The following PCDHGB5 variants were observed in gnomAD, a reference collection of about 807,000 sequenced individuals.
The protein encoded by PCDHGB5 is protocadherin gamma-B5.
A neutral mutation model predicts 62.9 loss-of-function variants in PCDHGB5; 48 were observed. The observed-to-expected ratio is 0.76, with a 90% CI of 0.61 to 0.97. The LOEUF is 0.97. Among genes scored for constraint, PCDHGB5 ranks in the 50% least tolerant of loss-of-function variants. The pLI is 0.00. For missense variants in PCDHGB5, 1,118 were observed against 1,198.6 expected (o/e 0.93, Z 0.99); for synonymous variants, 474 against 511.2 (o/e 0.93, Z 0.98).
intron 1 of PCDHGB5, chr5:141,403,541 G>A (rs1332209242): frequency 6.2e-7 from 1 of 1,614,016 alleles, no homozygotes. Context: ...GCTGGTGCTG[G>A]AGCGCGCCCT....
chr5:141,410,078 G>T, intron 1 of PCDHGB5: 4 of 1,612,820 alleles, frequency 2.5e-6, no homozygotes, highest in East Asian at 2.2e-5. Flanking sequence ...CACTGGGGAG[G>T]TGCGCACGGC....
In PCDHGB5 at chr5:141,487,218, C is replaced by T; in HGVS notation, c.2398-7589C>T. The T allele has an allele frequency of 6.2e-7, 1 of 1,613,938 alleles. No individual in the cohort carries two copies. The highest frequency in any genetic ancestry group is 1.3e-5 in the African/African-American group (1 of 75,024). On this transcript the variant is annotated intron_variant, in intron 1 of 3. Coordinates refer to ENST00000617380, the MANE Select transcript of PCDHGB5 (RefSeq NM_018925.3). The surrounding 1 kb of genome is among the most constrained non-coding windows in gnomAD (Gnocchi z 5.0). ...CCAGATCTTCGAGAATCTTCAGCTCCAAGGGAAGGAGAATCTCGTCTAACC... is the reference window on the plus strand; with the variant it reads ...CCAGATCTTCGAGAATCTTCAGCTCTAAGGGAAGGAGAATCTCGTCTAACC...
intron 1 of PCDHGB5, chr5:141,409,493 CCT>C (rs1312265786): frequency 6.2e-6 from 10 of 1,614,012 alleles, no homozygotes; most frequent in Non-Finnish European, 7.6e-6. Context: ...GGGCAAGCCG[CCT>C]CTTTCTTCCA....
rs371964437 is a variant in PCDHGB5, at chr5:141,511,404, C to T, written c.*231C>T. On this transcript the variant is annotated 3_prime_UTR_variant, in exon 4 of 4. Coordinates refer to ENST00000617380, the MANE Select transcript of PCDHGB5 (RefSeq NM_018925.3). ...CCGCTGGGAACCCCCATCCAATCAA[C>T]TGCTGTACCCATGGGGGTAGTGGGG... The T allele has an allele frequency of 7.7e-5, 73 of 947,014 alleles. No individual in the cohort carries two copies. In the East Asian group the frequency reaches 1.8e-3, roughly 23 times the overall value. The allele number at this position is 947,014 out of a possible 1,614,324, so 58.7% of individuals were successfully genotyped here.
chr5:141,452,884 A>C (rs746547069), intron 1 of PCDHGB5, among the ~76,000 whole-genome samples: 1 of 152,204 alleles, frequency 6.6e-6, no homozygotes, highest in Non-Finnish European at 1.5e-5. Flanking sequence ...GTAATAATTT[A>C]TTCCACTTTT....
rs758530359 is a variant in PCDHGB5 at position 141,399,430 on chromosome 5, A to G, written c.1303A>G (p.Ile435Val). 12 of 1,614,016 alleles carry G rather than the reference A, an allele frequency of 7.4e-6. No homozygotes were observed. Among genetic ancestry groups the G allele is most frequent in the Non-Finnish European group, 1.0e-5 (12 of 1,179,888 alleles). ...GCCCCTCTCCTCCAGCATAAGCGTCATCCTACATATCAGAGACGTCAACGA... is the reference window on the plus strand; with the variant it reads ...GCCCCTCTCCTCCAGCATAAGCGTCGTCCTACATATCAGAGACGTCAACGA... ...KPPLSSSISV[I>V]LHIRDVNDNA... is the part of the protein sequence containing the mutation. Residue 435 changes from isoleucine (I) to valine (V), a missense_variant, in exon 1 of 4, where the codon ATC becomes GTC. Ile to Val is a conservative substitution (Grantham distance 29). Around this residue, in one of 2 missense-constraint regions of PCDHGB5, gnomAD observed 1,034 missense variants for 1,029.1 expected, o/e 1.00. Coordinates refer to ENST00000617380, the MANE Select transcript of PCDHGB5 (RefSeq NM_018925.3).
chr5:141,421,926 C>T, intron 1 of PCDHGB5: 1 of 1,613,460 alleles, frequency 6.2e-7, no homozygotes, highest in Non-Finnish European at 8.5e-7. Context: ...GTGTGGTGGT[C>T]CTCGATGTAA....
At chr5:141,401,322 A>G (rs2094140521) in intron 1 of PCDHGB5, among the ~76,000 whole-genome samples, 1 of 152,218 alleles carries the variant, frequency 6.6e-6, no homozygotes, top group African/African-American at 2.4e-5. Flanking sequence ...AGCCTGGGCA[A>G]CAAGAGCAAA....
intron 1 of PCDHGB5, chr5:141,404,457 C>A: frequency 1.2e-6 from 2 of 1,612,824 alleles, no homozygotes; most frequent in Non-Finnish European, 1.7e-6. Flanking sequence ...TCTCCTCTCT[C>A]CACCTATGTC....
At position 141,398,722 on chromosome 5, in the gene PCDHGB5, A is replaced by T; in HGVS notation, c.595A>T (p.Thr199Ser). Reference protein sequence around the residue: ...SKYPELALEKTLDREQQSYHR... With the variant: ...SKYPELALEKSLDREQQSYHR... ...ATACCCGGAACTGGCACTGGAGAAA[A>T]CCTTAGACCGGGAACAACAGAGTTA... Residue 199 changes from threonine (T) to serine (S), a missense_variant, in exon 1 of 4, where the codon ACC becomes TCC. Thr to Ser is a moderately conservative substitution (Grantham distance 58). Coordinates refer to ENST00000617380, the MANE Select transcript of PCDHGB5 (RefSeq NM_018925.3). 3 of 1,613,816 alleles carry T rather than the reference A, an allele frequency of 1.9e-6. No homozygotes were observed. Among genetic ancestry groups the T allele is most frequent in the Non-Finnish European group, 2.5e-6 (3 of 1,179,898 alleles).
chr5:141,398,372 G>C lies in PCDHGB5; in HGVS notation c.245G>C (p.Gly82Ala). ...KPYFTVSAES[G>A]ELLVSSRLDR... The stretch of plus-strand genomic sequence containing the variant: ...TACTTCACCGTGAGCGCAGAGAGCG[G>C]GGAGTTGCTTGTGAGCAGCAGGCTA... The change falls in exon 1 of 4, where the codon GGG (glycine) becomes GCG (alanine). Residue 82 changes from glycine (G) to alanine (A), a missense_variant. This residue lies in a region of PCDHGB5 where 84 missense variants were observed against 169.5 expected (regional missense o/e 0.50). Transcript: ENST00000617380. 1 of 1,437,202 alleles carries C rather than the reference G, an allele frequency of 7.0e-7. No individual in the cohort carries two copies. Among genetic ancestry groups the C allele is most frequent in the Non-Finnish European group, 9.7e-7 (1 of 1,035,810 alleles). The allele number at this position is 1,437,202 out of a possible 1,614,324, so 89.0% of individuals were successfully genotyped here. A position where few individuals can be genotyped will look rare whatever the true frequency, so the allele number is the denominator to read the frequency against.
intron 1 of PCDHGB5, among the ~76,000 whole-genome samples, chr5:141,455,425 A>G (rs2098822334): frequency 1.3e-5 from 2 of 152,168 alleles, no homozygotes; most frequent in African/African-American, 2.4e-5. Flanking sequence ...CGGGGCTCCA[A>G]AAGAGGAGGT....
rs1362252002 is a variant in PCDHGB5, at chr5:141,486,112, G to C, written c.2398-8695G>C. ...TGGGGCCCCTAGACTTTGAGAGTGA[G>C]AATTACTATGAATTTGATGTGCGGG... On this transcript the variant is annotated intron_variant, in intron 1 of 3. Coordinates refer to ENST00000617380, the MANE Select transcript of PCDHGB5 (RefSeq NM_018925.3). The surrounding 1 kb of genome is among the most constrained non-coding windows in gnomAD (Gnocchi z 5.0). 6 of 1,614,166 alleles carry C rather than the reference G, an allele frequency of 3.7e-6. No individual in the cohort carries two copies. The highest frequency in any genetic ancestry group is 1.7e-6 in the Non-Finnish European group (2 of 1,180,024).
chr5:141,456,434 G>A (rs1418917805), intron 1 of PCDHGB5, among the ~76,000 whole-genome samples: 1 of 152,108 alleles, frequency 6.6e-6, no homozygotes, highest in Non-Finnish European at 1.5e-5. Flanking sequence ...TTATAGTATT[G>A]AGTATACAGA....
Position 141,431,363 on chromosome 5 carries a change from C to A in PCDHGB5, c.2397+30839C>A. ...ATTGGTGCTGAAACGCGCCCTGGAC[C>A]GCGAAGAAAAGGCTGCTCACCACCT... On this transcript the variant is annotated intron_variant, in intron 1 of 3. Transcript: ENST00000617380. The surrounding 1 kb of genome is among the most constrained non-coding windows in gnomAD (Gnocchi z 4.8). 1 of 1,614,024 alleles carries A rather than the reference C, an allele frequency of 6.2e-7. No homozygotes were observed. Among genetic ancestry groups the A allele is most frequent in the Non-Finnish European group, 8.5e-7 (1 of 1,180,028 alleles).
At chr5:141,414,930 C>A (rs561548499) in intron 1 of PCDHGB5, 1 of 1,614,156 alleles carries the variant, frequency 6.2e-7, no homozygotes, top group South Asian at 1.1e-5. Flanking sequence ...CGCCCCGCTC[C>A]GCAGAGCCCG....
chr5:141,415,740 G>GTTTTTTTTTTTTTTTTTTTTTTT (rs57426385), intron 1 of PCDHGB5: 14 of 625,046 alleles, frequency 2.2e-5, no homozygotes, highest in East Asian at 1.4e-4. Flanking sequence ...GTTTATTAAG[G>GTTTTTTTTTTTTTTTTTTTTTTT]TTTTTTTTTT....
intron 1 of PCDHGB5, chr5:141,421,347 C>G: frequency 6.2e-7 from 1 of 1,613,948 alleles, no homozygotes; most frequent in Non-Finnish European, 8.5e-7. Flanking sequence ...CAGAAGAGAC[C>G]GAAAAGGGCT....
chr5:141,404,695 TGCAGAGCC>T, intron 1 of PCDHGB5: 1 of 1,614,122 alleles, frequency 6.2e-7, no homozygotes, highest in Non-Finnish European at 8.5e-7. Flanking sequence ...CACCCCGCTC[TGCAGAGCC>T]TGGCTACCTG....
Sources: allele counts gnomAD v4.1 joint callset (sites outside exome capture counted in the v4.1 genomes callset), GRCh38; gene constraint gnomAD v4.1.1; regional missense constraint gnomAD v4.1.1; non-coding constraint Gnocchi (gnomAD v3.1); transcripts MANE v1.5; gene names NCBI Gene and HGNC (gene_info 2026-07-23, HGNC 2026-07-21).